The following NDUFS4 variants were observed in gnomAD, a reference collection of about 807,000 sequenced individuals.
The protein encoded by NDUFS4 is NADH:ubiquinone oxidoreductase subunit S4, also known as NADH dehydrogenase [ubiquinone] iron-sulfur protein 4, mitochondrial.
NDUFS4 carries 28 observed loss-of-function variants against 24.3 expected under a neutral mutation model. The observed-to-expected ratio is 1.15, with a 90% CI of 0.85 to 1.58. The LOEUF (loss-of-function observed/expected upper bound fraction) is 1.58, where lower values mean the gene tolerates loss of function less well. Among genes scored for constraint, NDUFS4 ranks in the 40% most tolerant of loss-of-function variants. The pLI is 0.00. For missense variants in NDUFS4, 223 were observed against 207.9 expected (o/e 1.07, Z -0.45); for synonymous variants, 93 against 69.7 (o/e 1.34, Z -1.67).
In NDUFS4 at chr5:53,623,027, G is replaced by A. The variant is rs549732908; in HGVS notation, c.177+19497G>A. Reference sequence around the variant, plus strand: ...CACTTTGTTTATCCATCCTTCTGTCGTCGAACATTTGGATTGTTTCTAGGG... The same window carrying A: ...CACTTTGTTTATCCATCCTTCTGTCATCGAACATTTGGATTGTTTCTAGGG... On this transcript the variant is annotated intron_variant, in intron 2 of 4. Transcript: ENST00000296684. Among the ~76,000 whole-genome samples the A allele has an allele frequency of 1.1e-4, 16 of 152,070 alleles. No individual in the cohort carries two copies. In the South Asian group the frequency reaches 3.1e-3, roughly 30 times the overall value.
chr5:53,610,710 T>C (rs907791486), intron 2 of NDUFS4, among the ~76,000 whole-genome samples: 2 of 152,142 alleles, frequency 1.3e-5, no homozygotes, highest in Admixed American at 6.6e-5. Flanking sequence ...TTCTCCTAAG[T>C]CTTCTCTTTT....
intron 1 of NDUFS4, among the ~76,000 whole-genome samples, chr5:53,582,241 AAAATT>A (rs376384292): frequency 0.037 from 4,914 of 134,066 alleles, 292 homozygotes; most frequent in African/African-American, 0.12. Flanking sequence ...AAAATAAAAT[AAAATT>A]AAATTAAAAT....
chr5:53,585,162 CTTG>C (rs1179884967), intron 1 of NDUFS4, among the ~76,000 whole-genome samples: 5 of 152,072 alleles, frequency 3.3e-5, no homozygotes, highest in African/African-American at 9.7e-5. Context: ...GTCTCGTTTT[CTTG>C]TTGATTAGGT....
intron 1 of NDUFS4, among the ~76,000 whole-genome samples, chr5:53,587,138 T>C (rs1008100172): frequency 6.6e-6 from 1 of 151,984 alleles, no homozygotes; most frequent in African/African-American, 2.4e-5. Flanking sequence ...TATATATATA[T>C]AAAATAAATT....
chr5:53,606,286 G>T (rs1750501687), intron 2 of NDUFS4, among the ~76,000 whole-genome samples: 1 of 152,234 alleles, frequency 6.6e-6, no homozygotes, highest in Admixed American at 6.5e-5. Context: ...CACCAGCATT[G>T]CTCGGCTTGT....
intron 2 of NDUFS4, among the ~76,000 whole-genome samples, chr5:53,628,460 G>T (rs1278294920): frequency 6.6e-6 from 1 of 152,086 alleles, no homozygotes; most frequent in East Asian, 1.9e-4. Flanking sequence ...GGAATGGTAT[G>T]AGCTCCTCTT....
At chr5:53,612,807 A>G (rs1327605002) in intron 2 of NDUFS4, among the ~76,000 whole-genome samples, 1 of 152,056 alleles carries the variant, frequency 6.6e-6, no homozygotes, top group Non-Finnish European at 1.5e-5. Flanking sequence ...ATTTAATACA[A>G]TTTTTTTGTC....
intron 4 of NDUFS4, among the ~76,000 whole-genome samples, chr5:53,662,207 G>T (rs1242386006): frequency 6.6e-6 from 1 of 152,150 alleles, no homozygotes; most frequent in Non-Finnish European, 1.5e-5. Context: ...TTAGCATGAA[G>T]TGTTGTTGAA....
intron 4 of NDUFS4, among the ~76,000 whole-genome samples, chr5:53,672,063 C>G (rs1259099242): frequency 6.6e-6 from 1 of 151,902 alleles, no homozygotes; most frequent in Non-Finnish European, 1.5e-5. Flanking sequence ...CGGAAGGAAA[C>G]AGGTCTGGCC....
intron 2 of NDUFS4, among the ~76,000 whole-genome samples, chr5:53,606,311 G>A (rs1483784701): frequency 6.6e-6 from 1 of 152,198 alleles, no homozygotes; most frequent in African/African-American, 2.4e-5. Flanking sequence ...AGGCCTTAGG[G>A]GACCTTTTAC....
At chr5:53,655,677 A>G (rs990915313) in intron 3 of NDUFS4, among the ~76,000 whole-genome samples, 3 of 152,176 alleles carry the variant, frequency 2.0e-5, no homozygotes, top group African/African-American at 7.2e-5. Context: ...ATGTTTCTCA[A>G]GTTAATGACA....
intron 4 of NDUFS4, among the ~76,000 whole-genome samples, chr5:53,667,693 A>T (rs1047913455): frequency 2.7e-5 from 4 of 148,758 alleles, no homozygotes; most frequent in Non-Finnish European, 4.5e-5. Flanking sequence ...TAAGGCATTT[A>T]AAAAAAAAAG....
intron 2 of NDUFS4, among the ~76,000 whole-genome samples, chr5:53,632,877 T>A (rs897831538): frequency 2.0e-5 from 3 of 152,182 alleles, no homozygotes; most frequent in African/African-American, 7.2e-5. Context: ...TTTGCAACAG[T>A]GGCTTTGTTA....
intron 4 of NDUFS4, among the ~76,000 whole-genome samples, chr5:53,667,172 T>G (rs2112533710): frequency 6.6e-6 from 1 of 151,890 alleles, no homozygotes; most frequent in East Asian, 2.0e-4. Context: ...ATTACAGAAG[T>G]GGAGGTGGGG....
Position 53,571,010 on chromosome 5 carries a change from A to G in NDUFS4, c.98+10250A>G, listed in dbSNP as rs114105421. 5.1e-3 allele frequency among the ~76,000 whole-genome samples: 771 copies of G among 152,130 alleles called. 6 individuals carry two copies. Among genetic ancestry groups the G allele is most frequent in the African/African-American group, 0.017 (706 of 41,518 alleles). On this transcript the variant is annotated intron_variant, in intron 1 of 4. Coordinates refer to ENST00000296684, the MANE Select transcript of NDUFS4 (RefSeq NM_002495.4). The stretch of plus-strand genomic sequence containing the variant: ...TGTTTTTTATTTTAGCCATTCTAGT[A>G]GGTGTTTAATGGTATTTCATTACGG...
intron 4 of NDUFS4, among the ~76,000 whole-genome samples, chr5:53,674,714 AATT>A (rs1470820797): frequency 3.3e-5 from 5 of 152,180 alleles, no homozygotes; most frequent in Admixed American, 1.3e-4. Flanking sequence ...TACAAAACAT[AATT>A]ATTGTTGAAA....
chr5:53,562,356 C>A (rs1748878113), intron 1 of NDUFS4, among the ~76,000 whole-genome samples: 1 of 152,058 alleles, frequency 6.6e-6, no homozygotes, highest in Admixed American at 6.6e-5. Context: ...CTCATGGTAG[C>A]CCCAGAACTG....
At chr5:53,654,252 G>A (rs1752100400) in intron 3 of NDUFS4, among the ~76,000 whole-genome samples, 1 of 151,990 alleles carries the variant, frequency 6.6e-6, no homozygotes, top group South Asian at 2.1e-4. Flanking sequence ...ATTTTCTGTA[G>A]TGAATTTCAG....
chr5:53,650,423 A>G (rs1579918780), intron 3 of NDUFS4, among the ~76,000 whole-genome samples: 2 of 152,202 alleles, frequency 1.3e-5, no homozygotes, highest in East Asian at 3.8e-4. Context: ...TGAAGACCCA[A>G]AGAAACAGGG....
Sources: gnomAD v4.1 joint callset for allele counts (sites outside exome capture counted in the v4.1 genomes callset) on GRCh38, gnomAD v4.1.1 for gene constraint, MANE v1.5 for transcripts, NCBI Gene and HGNC (gene_info 2026-07-23, HGNC 2026-07-21) for gene names.